ZNF236: variants seen among roughly 807,000 people sequenced by gnomAD.
ZNF236 encodes the protein zinc finger protein 236, also known as regulated by glucose.
In ZNF236, 50 loss-of-function variants were observed where a neutral mutation model predicts 191.2. The ratio of observed to expected loss-of-function variants is 0.26; its 90% CI spans 0.21 to 0.33. ZNF236 has a LOEUF of 0.33. Ranked by LOEUF, ZNF236 falls within the 10% of genes least tolerant of loss-of-function variation. The pLI, the probability that ZNF236 is intolerant of heterozygous loss-of-function variation, is 1.00. For synonymous variants in ZNF236, 907 were observed against 928.8 expected, an observed-to-expected ratio of 0.98 and a Z score of 0.43; for missense variants, 1,754 against 2,374.5, an observed-to-expected ratio of 0.74 and a Z score of 5.43.
chr18:76,826,277 ATTTT>A, intron 1 of ZNF236, among the ~76,000 whole-genome samples: 2 of 119,428 alleles, frequency 1.7e-5, no homozygotes, highest in Middle Eastern at 0.01. Flanking sequence ...ATGGCTAGCT[ATTTT>A]TTTTTTTTTT....
intron 1 of ZNF236, among the ~76,000 whole-genome samples, chr18:76,829,119 T>A (rs925764404): frequency 4.6e-5 from 7 of 152,214 alleles, no homozygotes; most frequent in African/African-American, 1.7e-4. Context: ...TTAGATAAAG[T>A]CAATTCCACA....
chr18:76,928,031 G>A lies in ZNF236; in HGVS notation c.4519G>A (p.Val1507Ile). 6.2e-7 allele frequency: 1 copy of A among 1,613,770 alleles called. No homozygotes were observed. Among genetic ancestry groups the A allele is most frequent in the African/African-American group, 1.3e-5 (1 of 74,990 alleles). ...LTINNSSLSQ[V>I]LAQAAGPTAT... Reference sequence around the variant, plus strand: ...CATTAACAACTCCAGCCTGAGCCAGGTCCTGGCACAGGCCGCTGGGCCCAC... The same window carrying A: ...CATTAACAACTCCAGCCTGAGCCAGATCCTGGCACAGGCCGCTGGGCCCAC... Residue 1507 changes from valine to isoleucine, a missense_variant, in exon 25 of 31, where the codon GTC (valine) becomes ATC (isoleucine). Val to Ile is a conservative substitution (Grantham distance 29, BLOSUM62 3). Around this residue, in one of 5 missense-constraint regions of ZNF236, gnomAD observed 606 missense variants for 761.5 expected, o/e 0.80. Transcript: ENST00000320610.
intron 18 of ZNF236, 52 bp downstream of exon 18, chr18:76,913,950 ATT>A: frequency 6.3e-7 from 1 of 1,597,778 alleles, no homozygotes; most frequent in Non-Finnish European, 8.6e-7. Context: ...AAAAAGCTTT[ATT>A]GAGATATAAT....
intron 4 of ZNF236, among the ~76,000 whole-genome samples, chr18:76,869,732 G>T (rs1046712668): frequency 6.6e-6 from 1 of 152,178 alleles, no homozygotes; most frequent in Non-Finnish European, 1.5e-5. Flanking sequence ...AGGGCAGGCG[G>T]ATCACCTGAG....
rs1968614150 is a variant in ZNF236 at position 76,959,768 on chromosome 18, G to C, written c.5194G>C (p.Ala1732Pro). Residue 1732 changes from alanine to proline, a missense_variant, in exon 29 of 31, where the codon GCA (alanine) becomes CCA (proline). By Grantham distance (27) the Ala-to-Pro change is conservative (BLOSUM62 -1). This residue lies in a region of ZNF236 where 606 missense variants were observed against 761.5 expected (regional missense o/e 0.80). Coordinates refer to ENST00000320610, the MANE Select transcript of ZNF236 (RefSeq NM_001306089.2). ...RVFKCDTCEK[A>P]FAKPSQLERH... ...GTTTAAATGTGACACTTGTGAGAAG[G>C]CATTTGCCAAACCAAGCCAGCTGGA... 1 of 1,613,972 alleles carries C rather than the reference G, an allele frequency of 6.2e-7. No homozygotes were observed. Among genetic ancestry groups the C allele is most frequent in the Non-Finnish European group, 8.5e-7 (1 of 1,180,018 alleles).
Position 76,928,007 on chromosome 18 carries a change from A to G in ZNF236, c.4495A>G (p.Ile1499Val), listed in dbSNP as rs1375518752. The G allele has an allele frequency of 6.2e-7, 1 of 1,613,810 alleles. No individual in the cohort carries two copies. Residue 1499 changes from isoleucine to valine, a missense_variant, in exon 25 of 31, where the codon ATT becomes GTT. Coordinates refer to ENST00000320610, the MANE Select transcript of ZNF236 (RefSeq NM_001306089.2). ...SGGPHEITLT[I>V]NNSSLSQVLA... ...CGGTCCCCACGAGATCACCCTGACC[A>G]TTAACAACTCCAGCCTGAGCCAGGT...
intron 1 of ZNF236, among the ~76,000 whole-genome samples, chr18:76,833,508 T>C (rs1414227210): frequency 1.3e-5 from 2 of 152,214 alleles, no homozygotes; most frequent in East Asian, 3.8e-4. Context: ...TTGATTTTTC[T>C]AATGGTAAGC....
chr18:76,887,701 C>T (rs1977098172), intron 9 of ZNF236: 1 of 152,242 alleles, frequency 6.6e-6, no homozygotes, highest in African/African-American at 2.4e-5. Flanking sequence ...TCTTACATGG[C>T]TACAGGCAAG....
chr18:76,837,585 C>G (rs1336069705), intron 1 of ZNF236, among the ~76,000 whole-genome samples: 1 of 151,680 alleles, frequency 6.6e-6, no homozygotes, highest in Non-Finnish European at 1.5e-5. Flanking sequence ...GGATTAAAAG[C>G]GTGTGCCACC....
At chr18:76,824,509 A>T (rs573067975) in intron 1 of ZNF236, 12 of 776,900 alleles carry the variant, frequency 1.5e-5, no homozygotes, top group Non-Finnish European at 2.9e-5. Context: ...CCCGCTTTTG[A>T]GTTTTGGCCT....
chr18:76,868,839 A>C lies in ZNF236; in HGVS notation c.518A>C (p.His173Pro), dbSNP rs757782090. The part of the protein sequence containing the change: ...EFETSSELKE[H>P]MKTHYKIRVS... ...GAGACCTCCTCGGAGCTGAAGGAACACATGAAGACTCATTACAAAATTAGG... is the reference window on the plus strand; with the variant it reads ...GAGACCTCCTCGGAGCTGAAGGAACCCATGAAGACTCATTACAAAATTAGG... Residue 173 changes from histidine to proline, a missense_variant, in exon 4 of 31, where the codon CAC (histidine) becomes CCC (proline). Around this residue, in one of 5 missense-constraint regions of ZNF236, gnomAD observed 336 missense variants for 495.1 expected, o/e 0.68. Transcript: ENST00000320610. The C allele has an allele frequency of 6.2e-7, 1 of 1,608,622 alleles. No homozygotes were observed. The highest frequency in any genetic ancestry group is 8.5e-7 in the Non-Finnish European group (1 of 1,178,086).
intron 1 of ZNF236, among the ~76,000 whole-genome samples, chr18:76,832,006 G>A (rs1975182506): frequency 1.3e-5 from 2 of 151,920 alleles, no homozygotes; most frequent in South Asian, 2.1e-4. Flanking sequence ...AGTACTTTTC[G>A]GATCTATTTA....
chr18:76,838,762 A>G lies in ZNF236; in HGVS notation c.56-10764A>G, dbSNP rs546575397. Among the ~76,000 whole-genome samples, 7 of 152,300 alleles carry G rather than the reference A, an allele frequency of 4.6e-5. No individual in the cohort carries two copies. In the East Asian group the frequency reaches 1.2e-3, roughly 25 times the overall value. ...ATTGATATATAACACACAGAGAAGA[A>G]CAGAAATTGTGGTTGGCTCAATGAA... On this transcript the variant is annotated intron_variant, in intron 1 of 30. Coordinates refer to ENST00000320610, the MANE Select transcript of ZNF236 (RefSeq NM_001306089.2).
chr18:76,833,033 A>G (rs1395683268), intron 1 of ZNF236, among the ~76,000 whole-genome samples: 1 of 152,212 alleles, frequency 6.6e-6, no homozygotes, highest in African/African-American at 2.4e-5. Context: ...TGTTCATAGA[A>G]ATACAATTGG....
In ZNF236 at chr18:76,919,656, A is replaced by G; in HGVS notation, c.3275-120A>G. On this transcript the variant is annotated intron_variant, in intron 19 of 30. Coordinates refer to ENST00000320610, the MANE Select transcript of ZNF236 (RefSeq NM_001306089.2). This position sits in a 1 kb window ranked among gnomAD's most constrained non-coding sequence, Gnocchi z 5.3. ...TATAGCAACTCTCTACCATCATAAA[A>G]ATAGCTTGGTTGAGTTATTAATTTT... 8.2e-7 allele frequency: 1 copy of G among 1,226,698 alleles called. No homozygotes were observed. The highest frequency in any genetic ancestry group is 1.1e-6 in the Non-Finnish European group (1 of 880,950). 76.0% of individuals were successfully genotyped at this position (1,226,698 alleles called of 1,614,324 possible).
intron 3 of ZNF236, among the ~76,000 whole-genome samples, chr18:76,858,323 T>C (rs1255725506): frequency 6.6e-6 from 1 of 152,250 alleles, no homozygotes; most frequent in African/African-American, 2.4e-5. Flanking sequence ...AACCTTTTCC[T>C]GGACTCACCA....
At chr18:76,911,919 G>T (rs941056758) in intron 16 of ZNF236, among the ~76,000 whole-genome samples, 1 of 152,118 alleles carries the variant, frequency 6.6e-6, no homozygotes, top group Non-Finnish European at 1.5e-5. Context: ...CTCTGAAGGT[G>T]GGATTTTATT....
intron 3 of ZNF236, among the ~76,000 whole-genome samples, chr18:76,865,102 C>T (rs1180550755): frequency 2.0e-5 from 3 of 152,210 alleles, no homozygotes; most frequent in East Asian, 1.9e-4. Context: ...TTTGGGAGGC[C>T]GAGGCGGGCA....
chr18:76,924,959 A>G (rs1469692383), intron 21 of ZNF236, among the ~76,000 whole-genome samples: 1 of 152,252 alleles, frequency 6.6e-6, no homozygotes, highest in Non-Finnish European at 1.5e-5. Flanking sequence ...TAAACCTCAA[A>G]GGCTTGTGAA....
Sources: allele counts gnomAD v4.1 joint callset (sites outside exome capture counted in the v4.1 genomes callset), GRCh38; gene constraint gnomAD v4.1.1; regional missense constraint gnomAD v4.1.1; non-coding constraint Gnocchi (gnomAD v3.1); transcripts MANE v1.5; gene names NCBI Gene and HGNC (gene_info 2026-07-23, HGNC 2026-07-21).